Variants in PRDM10 observed in about 807,000 individuals in gnomAD.
PRDM10 encodes PR domain zinc finger protein 10.
In PRDM10, 65 loss-of-function variants were observed where a neutral mutation model predicts 133.1. The ratio of observed to expected loss-of-function variants is 0.49; its 90% CI spans 0.40 to 0.60. PRDM10 has a LOEUF of 0.60. PRDM10 is among the 20% of genes least tolerant of loss of function. PRDM10 has a pLI of 0.00. For missense variants in PRDM10, 1,137 were observed against 1,507.1 expected (o/e 0.75, Z 4.07); for synonymous variants, 582 against 580.4 (o/e 1.00, Z -0.04).
chr11:129,919,888 C>T (rs1950471194), intron 13 of PRDM10, among the ~76,000 whole-genome samples: 1 of 152,188 alleles, frequency 6.6e-6, no homozygotes. Flanking sequence ...GCCTCTTCTG[C>T]TGCAATGCAT....
At chr11:129,951,405 C>T (rs1951579000) in intron 4 of PRDM10, among the ~76,000 whole-genome samples, 1 of 152,166 alleles carries the variant, frequency 6.6e-6, no homozygotes, top group African/African-American at 2.4e-5. Context: ...AGGTAACCAA[C>T]CACACATGTC....
chr11:129,942,639 A>G lies in PRDM10; in HGVS notation c.763-10T>C, dbSNP rs368865833. On this transcript the variant is annotated splice_polypyrimidine_tract_variant and intron_variant, in intron 6 of 20. Coordinates refer to ENST00000360871, the MANE Select transcript of PRDM10 (RefSeq NM_199437.2). ...CTTTATCAAGAGAAACCTGCACGAA[A>G]AAAAAGCCACACCAAAAACAAAACA... is the stretch of plus-strand genomic sequence containing the variant. The G allele has an allele frequency of 1.3e-5, 21 of 1,599,872 alleles. No individual in the cohort carries two copies. The African/African-American group carries it at 2.4e-4, about 19-fold the overall frequency.
In PRDM10 at chr11:129,923,155, G is replaced by C; in HGVS notation, c.2034+93C>G. The C allele has an allele frequency of 5.0e-6, 7 of 1,386,578 alleles. No individual in the cohort carries two copies. The highest frequency in any genetic ancestry group is 6.7e-6 in the Non-Finnish European group (7 of 1,042,098). The allele number at this position is 1,386,578 out of a possible 1,614,324, so 85.9% of individuals were successfully genotyped here. A position where few individuals can be genotyped will look rare whatever the true frequency, so the allele number is the denominator to read the frequency against. ...CAGGTCCAGTTCATCAGAGGTGGGT[G>C]ATAAACTGATGAAATGAACAGGCAT... On this transcript the variant is annotated intron_variant, in intron 13 of 20. Transcript: ENST00000360871. The surrounding 1 kb of genome is among the most constrained non-coding windows in gnomAD (Gnocchi z 4.4).
chr11:129,953,719 TCTTAA>T (rs1591656755), intron 4 of PRDM10, among the ~76,000 whole-genome samples: 1 of 151,862 alleles, frequency 6.6e-6, no homozygotes, highest in South Asian at 2.1e-4. Flanking sequence ...AAAATTTGGT[TCTTAA>T]CTTAAAATAC....
rs969422665 is a variant in PRDM10, at chr11:129,902,078, T to C, written c.*235A>G. The C allele has an allele frequency of 1.9e-6, 1 of 514,828 alleles. No individual in the cohort carries two copies. Among genetic ancestry groups the C allele is most frequent in the African/African-American group, 1.9e-5 (1 of 51,476 alleles). 31.9% of individuals were successfully genotyped at this position (514,828 alleles called of 1,614,324 possible). ...AAGGCAAATTCTCTCCACCTCGAAATCTACTTTCCCCTGAAAGATCTCTGT... is the reference window on the plus strand; with the variant it reads ...AAGGCAAATTCTCTCCACCTCGAAACCTACTTTCCCCTGAAAGATCTCTGT... On this transcript the variant is annotated 3_prime_UTR_variant, in exon 21 of 21. Transcript: ENST00000360871.
chr11:129,929,613 T>C (rs898568922), intron 11 of PRDM10, among the ~76,000 whole-genome samples: 4 of 152,090 alleles, frequency 2.6e-5, no homozygotes, highest in African/African-American at 9.7e-5. Context: ...CAGATACATA[T>C]GGCTTTCGCT....
intron 20 of PRDM10, among the ~76,000 whole-genome samples, chr11:129,904,005 A>T (rs1249170529): frequency 6.6e-6 from 1 of 152,194 alleles, no homozygotes; most frequent in African/African-American, 2.4e-5. Flanking sequence ...GGAACAAAAA[A>T]TGTCCTGATC....
chr11:129,923,845 C>T lies in PRDM10; in HGVS notation c.1879-442G>A, dbSNP rs1266876929. ...CTTACTTTTCTCCGTCTTTAATCTG[C>T]ACAGAAGCAATTTAGCCCCTTTTGA... On this transcript the variant is annotated intron_variant, in intron 12 of 20. Transcript: ENST00000360871. This position sits in a 1 kb window ranked among gnomAD's most constrained non-coding sequence, Gnocchi z 4.4. Among the ~76,000 whole-genome samples, 2 of 152,258 alleles carry T rather than the reference C, an allele frequency of 1.3e-5. No individual in the cohort carries two copies. Among genetic ancestry groups the T allele is most frequent in the Non-Finnish European group, 2.9e-5 (2 of 68,048 alleles).
intron 4 of PRDM10, 76 bp downstream of exon 4, chr11:129,955,436 T>C (rs965744063): frequency 2.8e-6 from 4 of 1,419,810 alleles, no homozygotes; most frequent in Non-Finnish European, 4.0e-6. Flanking sequence ...GATGGTGCAG[T>C]GCAAAGGGAT....
chr11:129,993,343 T>C (rs1227146477), intron 1 of PRDM10, among the ~76,000 whole-genome samples: 8 of 152,158 alleles, frequency 5.3e-5, no homozygotes, highest in African/African-American at 7.2e-5. Flanking sequence ...CCTATATTAA[T>C]TCTAAAAGTG....
chr11:129,958,279 A>G (rs1377974264), intron 2 of PRDM10, among the ~76,000 whole-genome samples: 3 of 152,206 alleles, frequency 2.0e-5, no homozygotes, highest in Non-Finnish European at 4.4e-5. Flanking sequence ...TCAAAAGCCA[A>G]TTGCTGTCAA....
chr11:129,961,970 T>C (rs1406673583), intron 1 of PRDM10, among the ~76,000 whole-genome samples: 1 of 152,098 alleles, frequency 6.6e-6, no homozygotes, highest in African/African-American at 2.4e-5. Flanking sequence ...TAACTTCCCA[T>C]ACCACCTTTA....
At chr11:129,916,494 T>C (rs1009837388) in intron 15 of PRDM10, among the ~76,000 whole-genome samples, 1 of 152,094 alleles carries the variant, frequency 6.6e-6, no homozygotes, top group African/African-American at 2.4e-5. Context: ...AAAAATTAGT[T>C]GGGCGTGGGG....
chr11:129,969,297 G>C (rs1477862073), intron 1 of PRDM10, among the ~76,000 whole-genome samples: 1 of 152,100 alleles, frequency 6.6e-6, no homozygotes, highest in Admixed American at 6.5e-5. Context: ...AATGATACTT[G>C]GGCTTGGTTT....
intron 1 of PRDM10, among the ~76,000 whole-genome samples, chr11:130,001,259 T>C (rs1939356010): frequency 6.6e-6 from 1 of 152,144 alleles, no homozygotes; most frequent in Non-Finnish European, 1.5e-5. Flanking sequence ...AAGTGGAAGC[T>C]ATTGTGATGC....
chr11:129,994,035 C>T (rs954567014), intron 1 of PRDM10, among the ~76,000 whole-genome samples: 14 of 152,204 alleles, frequency 9.2e-5, no homozygotes, highest in Middle Eastern at 3.4e-3. Context: ...TTTAAAGCCA[C>T]TCAATAAAGT....
chr11:129,943,279 A>T (rs1239985864), intron 6 of PRDM10, among the ~76,000 whole-genome samples: 1 of 152,234 alleles, frequency 6.6e-6, no homozygotes, highest in Admixed American at 6.5e-5. Flanking sequence ...TACAGGTCAG[A>T]CCTGTTTCAA....
At chr11:129,992,845 A>T (rs2135997118) in intron 1 of PRDM10, among the ~76,000 whole-genome samples, 1 of 152,374 alleles carries the variant, frequency 6.6e-6, no homozygotes. Context: ...GGAAAATATA[A>T]ATAACATTTA....
At chr11:129,984,183 CCT>C (rs1178181303) in intron 1 of PRDM10, among the ~76,000 whole-genome samples, 2 of 152,202 alleles carry the variant, frequency 1.3e-5, no homozygotes, top group Non-Finnish European at 2.9e-5. Flanking sequence ...ACATCAGCAC[CCT>C]GTCCTCACCG....
Sources: allele counts gnomAD v4.1 joint callset (sites outside exome capture counted in the v4.1 genomes callset), GRCh38; gene constraint gnomAD v4.1.1; non-coding constraint Gnocchi (gnomAD v3.1); transcripts MANE v1.5; gene names NCBI Gene and HGNC (gene_info 2026-07-23, HGNC 2026-07-21).